ZNF512B: variants seen among roughly 807,000 people sequenced by gnomAD.
The protein encoded by ZNF512B is zinc finger protein 512B.
A neutral mutation model predicts 87.8 loss-of-function variants in ZNF512B; 22 were observed. That is an observed-to-expected ratio of 0.25 (90% CI 0.18 to 0.36). ZNF512B has a LOEUF of 0.36. Ranked by LOEUF, ZNF512B falls within the 10% of genes least tolerant of loss-of-function variation. The pLI, the probability that ZNF512B is intolerant of heterozygous loss-of-function variation, is 1.00. For missense variants in ZNF512B, 1,060 were observed against 1,231.6 expected (o/e 0.86, Z 2.09); for synonymous variants, 524 against 490.9 (o/e 1.07, Z -0.89).
intron 5 of ZNF512B, among the ~76,000 whole-genome samples, chr20:63,965,861 C>T (rs1197589687): frequency 6.0e-5 from 2 of 33,092 alleles, no homozygotes; most frequent in African/African-American, 3.3e-4. Flanking sequence ...CGACCTGGGA[C>T]GAGCCCCCAT....
chr20:63,965,881 C>T (rs539623900), intron 5 of ZNF512B, among the ~76,000 whole-genome samples: 6 of 31,374 alleles, frequency 1.9e-4, no homozygotes, highest in African/African-American at 5.2e-4. Context: ...TACCTTTTCT[C>T]ACCACTGTTC....
rs1454152180 is a variant in ZNF512B, at chr20:63,964,773, C to T, written c.1035-57G>A. 2.1e-5 allele frequency: 34 copies of T among 1,588,600 alleles called. 1 individual carries two copies. Among genetic ancestry groups the T allele is most frequent in the Non-Finnish European group, 2.5e-5 (29 of 1,168,592 alleles). On this transcript the variant is annotated intron_variant, in intron 5 of 16. Transcript: ENST00000369888. ...GGGCCTAACTGTGGGCCCCATTACC[C>T]CCAGGCCGTGGCCGAGGAGCACCCT...
Position 63,962,605 on chromosome 20 carries a change from A to T in ZNF512B, c.2145T>A (p.Leu715=). The T allele has an allele frequency of 6.2e-7, 1 of 1,607,064 alleles. No homozygotes were observed. The change falls in exon 13 of 17, where the codon CTT becomes CTA. Residue 715 remains leucine, a synonymous_variant. Transcript: ENST00000369888. ...AGCTCACCCGTGCGGTCTCGGGCAC[A>T]AGGTCATCCTTCATGCGCCGCTTGG... ...DWTKRRMKDD[L]VPETARLNYT...
chr20:63,968,288 G>A (rs141454521), intron 1 of ZNF512B, among the ~76,000 whole-genome samples: 8 of 152,358 alleles, frequency 5.3e-5, no homozygotes, highest in African/African-American at 1.9e-4. Flanking sequence ...CCACAGCTGC[G>A]AAGATGATGC....
rs770500760 is a variant in ZNF512B, at chr20:63,962,291, G to A, written c.2247C>T (p.His749=). 20 of 1,611,972 alleles carry A rather than the reference G, an allele frequency of 1.2e-5. No homozygotes were observed. The highest frequency in any genetic ancestry group is 6.6e-5 in the South Asian group (6 of 91,082). The change falls in exon 14 of 17, where the codon CAC becomes CAT. Residue 749 remains histidine (H), a synonymous_variant. Transcript: ENST00000369888. ...CGCTCACGTCGTTGGGACAGTTGAC[G>A]TGGCCTTTCTCCTTCACTTCATTCT... ...AWKNEVKEKG[H]VNCPNDCCEA...
At chr20:63,968,238 G>A (rs1009439130) in intron 1 of ZNF512B, among the ~76,000 whole-genome samples, 5 of 152,200 alleles carry the variant, frequency 3.3e-5, no homozygotes, top group East Asian at 1.9e-4. Context: ...TTCCCAACAC[G>A]CAGCTCTACA....
rs770876296 is a variant in ZNF512B, at chr20:63,959,952, C to T, written c.2615G>A (p.Arg872Lys). The change falls in exon 17 of 17, where the codon AGA becomes AAA. Residue 872 changes from arginine (R) to lysine (K), a missense_variant. Transcript: ENST00000369888. ...PRRDDWPPGC[R>K]DKGARGSTGR... ...GGTGGAGCCCCGGGCCCCCTTGTCT[C>T]TGCATCCTGGAGGCCAGTCGTCCCG... 6.2e-7 allele frequency: 1 copy of T among 1,611,136 alleles called. No homozygotes were observed. Among genetic ancestry groups the T allele is most frequent in the South Asian group, 1.1e-5 (1 of 91,060 alleles).
rs1191406849 is a variant in ZNF512B at position 63,959,839 on chromosome 20, C to G, written c.*49G>C. On this transcript the variant is annotated 3_prime_UTR_variant, in exon 17 of 17. Transcript: ENST00000369888. Reference sequence around the variant, plus strand: ...GTCCCGGAGCTGGCCCTGCCTTGAACAGAGGGCGGTGTGGCGGCTGCATGG... The same window carrying G: ...GTCCCGGAGCTGGCCCTGCCTTGAAGAGAGGGCGGTGTGGCGGCTGCATGG... 6.6e-7 allele frequency: 1 copy of G among 1,518,306 alleles called. No homozygotes were observed. Among genetic ancestry groups the G allele is most frequent in the Middle Eastern group, 1.9e-4 (1 of 5,368 alleles). The allele number at this position is 1,518,306 out of a possible 1,614,324, so 94.1% of individuals were successfully genotyped here. A position where few individuals can be genotyped will look rare whatever the true frequency, so the allele number is the denominator to read the frequency against.
Position 63,959,709 on chromosome 20 carries a change from A to T in ZNF512B, c.*179T>A. ...CCCCAACCCAGGTGTGCCCTGTGGC[A>T]GCCTTAACAGGGGAAGGGCCACCTT... On this transcript the variant is annotated 3_prime_UTR_variant, in exon 17 of 17. Coordinates refer to ENST00000369888, the MANE Select transcript of ZNF512B (RefSeq NM_020713.3). The T allele has an allele frequency of 4.2e-6, 4 of 958,694 alleles. No individual in the cohort carries two copies. The South Asian group carries it at 5.6e-5, about 13-fold the overall frequency. 59.4% of individuals were successfully genotyped at this position (958,694 alleles called of 1,614,324 possible). A position where few individuals can be genotyped will look rare whatever the true frequency, so the allele number is the denominator to read the frequency against.
chr20:63,966,680 G>T lies in ZNF512B; in HGVS notation c.495C>A (p.Asp165Glu). 1 of 1,612,806 alleles carries T rather than the reference G, an allele frequency of 6.2e-7. No homozygotes were observed. The change falls in exon 5 of 17, where the codon GAC becomes GAA. Residue 165 changes from aspartate (D) to glutamate (E), a missense_variant. Asp to Glu is a conservative substitution (Grantham distance 45). Transcript: ENST00000369888. Reference protein sequence around the residue: ...LEKHRIWNHMDRPLPASKPGP... With the variant: ...LEKHRIWNHMERPLPASKPGP... ...CAGGCTTGGAGGCAGGCAGGGGTCG[G>T]TCCATGTGGTTCCAGATCCGGTGTT...
chr20:63,964,441 C>G, intron 6 of ZNF512B, 49 bp downstream of exon 6: 1 of 1,613,652 alleles, frequency 6.2e-7, no homozygotes, highest in African/African-American at 1.3e-5. Context: ...AAATAACCGT[C>G]AGGAGGCCGA....
intron 1 of ZNF512B, among the ~76,000 whole-genome samples, chr20:63,968,733 A>AGACC (rs934176648): frequency 2.0e-5 from 3 of 152,220 alleles, no homozygotes; most frequent in African/African-American, 7.2e-5. Flanking sequence ...CTCTGCCTAC[A>AGACC]GACCCACCAC....
Position 63,963,478 on chromosome 20 carries a change from G to A in ZNF512B, c.1699-38C>T, listed in dbSNP as rs41278228. 252,917 of 1,544,370 alleles carry A rather than the reference G, an allele frequency of 0.16. 21,678 individuals are homozygous for A. The highest frequency in any genetic ancestry group is 0.23 in the South Asian group (19,579 of 85,280). On this transcript the variant is annotated intron_variant, in intron 10 of 16. Coordinates refer to ENST00000369888, the MANE Select transcript of ZNF512B (RefSeq NM_020713.3). Reference sequence around the variant, plus strand: ...TGAGCATCGGTGACCCGGCACCATCGCCACGGAGCCCTGCCCTGGCCCCGC... The same window carrying A: ...TGAGCATCGGTGACCCGGCACCATCACCACGGAGCCCTGCCCTGGCCCCGC...
In ZNF512B at chr20:63,959,901, G is replaced by A. The variant is rs767787435; in HGVS notation, c.2666C>T (p.Ala889Val). Reference protein sequence around the residue: ...STGRKVGVSKAPEK With the variant: ...STGRKVGVSKVPEK ...CACGCACCATGCTCACTTTTCAGGCGCCTTGCTGACTCCCACCTTCCGGCC... is the reference window on the plus strand; with the variant it reads ...CACGCACCATGCTCACTTTTCAGGCACCTTGCTGACTCCCACCTTCCGGCC... Residue 889 changes from alanine to valine, a missense_variant, in exon 17 of 17, where the codon GCG (alanine) becomes GTG (valine). Around this residue, in one of 9 missense-constraint regions of ZNF512B, gnomAD observed 253 missense variants for 259.2 expected, o/e 0.98. Coordinates refer to ENST00000369888, the MANE Select transcript of ZNF512B (RefSeq NM_020713.3). The A allele has an allele frequency of 8.8e-6, 14 of 1,591,986 alleles. No homozygotes were observed. The highest frequency in any genetic ancestry group is 1.7e-4 in the Middle Eastern group (1 of 5,998).
chr20:63,964,032 G>A (rs756972698), intron 8 of ZNF512B, 39 bp downstream of exon 8: 72 of 1,597,510 alleles, frequency 4.5e-5, no homozygotes, highest in East Asian at 8.9e-5. Context: ...TCTACCCGCC[G>A]TCTAGAGCTG....
Position 63,967,434 on chromosome 20 carries a change from C to T in ZNF512B, c.211G>A (p.Gly71Arg), listed in dbSNP as rs762517320. The T allele has an allele frequency of 2.5e-6, 4 of 1,613,382 alleles. No homozygotes were observed. In the East Asian group the frequency reaches 6.7e-5, roughly 27 times the overall value. Residue 71 changes from glycine to arginine, a missense_variant, in exon 3 of 17, where the codon GGG becomes AGG. Coordinates refer to ENST00000369888, the MANE Select transcript of ZNF512B (RefSeq NM_020713.3). ...GCTTTTGGCCGCCCCTTTTTCTTCCCTTCTGTCTTGTCACTGGCTGGACTT... is the reference window on the plus strand; with the variant it reads ...GCTTTTGGCCGCCCCTTTTTCTTCCTTTCTGTCTTGTCACTGGCTGGACTT... ...PGSPASDKTE[G>R]KKKGRPKAEN...
rs763000390 is a variant in ZNF512B at position 63,959,950 on chromosome 20, C to G, written c.2617G>C (p.Asp873His). ...CCGGTGGAGCCCCGGGCCCCCTTGTCTCTGCATCCTGGAGGCCAGTCGTCC... is the reference window on the plus strand; with the variant it reads ...CCGGTGGAGCCCCGGGCCCCCTTGTGTCTGCATCCTGGAGGCCAGTCGTCC... ...RRDDWPPGCR[D>H]KGARGSTGRK... Residue 873 changes from aspartate (D) to histidine (H), a missense_variant, in exon 17 of 17, where the codon GAC (aspartate) becomes CAC (histidine). Coordinates refer to ENST00000369888, the MANE Select transcript of ZNF512B (RefSeq NM_020713.3). The G allele has an allele frequency of 2.3e-5, 37 of 1,610,754 alleles. No individual in the cohort carries two copies. Among genetic ancestry groups the G allele is most frequent in the Non-Finnish European group, 3.1e-5 (37 of 1,179,774 alleles).
chr20:63,964,506 C>T lies in ZNF512B; in HGVS notation c.1245G>A (p.Pro415=), dbSNP rs200805662. The change falls in exon 6 of 17, where the codon CCG becomes CCA. Residue 415 remains proline (P), a synonymous_variant. Coordinates refer to ENST00000369888, the MANE Select transcript of ZNF512B (RefSeq NM_020713.3). ...TCATCTTACTGTGCTTTGTGCGCTCCGGGTCCTCCTCAGGCGGGGACGCAG... is the reference window on the plus strand; with the variant it reads ...TCATCTTACTGTGCTTTGTGCGCTCTGGGTCCTCCTCAGGCGGGGACGCAG... ...AGPASPPEED[P]ERTKHRRKQK... The T allele has an allele frequency of 3.0e-5, 48 of 1,612,850 alleles. No individual in the cohort carries two copies. Among genetic ancestry groups the T allele is most frequent in the African/African-American group, 2.9e-4 (22 of 75,040 alleles).
At position 63,964,834 on chromosome 20, in the gene ZNF512B, T is replaced by TG; in HGVS notation, c.1035-119dup. ...GAGCCCCCATACCTTTTCTCACCAC[T>TG]GTTCCCCGACCTGGGACAAGCCCCC... On this transcript the variant is annotated intron_variant, in intron 5 of 16. Coordinates refer to ENST00000369888, the MANE Select transcript of ZNF512B (RefSeq NM_020713.3). 2.9e-6 allele frequency: 4 copies of TG among 1,388,052 alleles called. No individual in the cohort carries two copies. The African/African-American group carries it at 5.9e-5, about 20-fold the overall frequency. The allele number at this position is 1,388,052 out of a possible 1,614,324, so 86.0% of individuals were successfully genotyped here.
Sources: allele counts gnomAD v4.1 joint callset (sites outside exome capture counted in the v4.1 genomes callset), GRCh38; gene constraint gnomAD v4.1.1; regional missense constraint gnomAD v4.1.1; transcripts MANE v1.5; gene names NCBI Gene and HGNC (gene_info 2026-07-23, HGNC 2026-07-21).